The following BACH2 variants were observed in gnomAD, a reference collection of about 807,000 sequenced individuals.
The protein encoded by BACH2 is BACH transcriptional regulator 2.
BACH2 carries 5 observed loss-of-function variants against 61.8 expected under a neutral mutation model. The ratio of observed to expected loss-of-function variants is 0.08; its 90% CI spans 0.04 to 0.17. BACH2 has a LOEUF of 0.17. BACH2 is among the 10% of genes least tolerant of loss of function. The pLI, the probability that BACH2 is intolerant of heterozygous loss-of-function variation, is 1.00. For synonymous variants in BACH2, 446 were observed against 440.1 expected (o/e 1.01, Z -0.17); for missense variants, 824 against 1,091.1 (o/e 0.76, Z 3.45).
chr6:90,009,351 G>C (rs1241164265), intron 5 of BACH2, among the ~76,000 whole-genome samples: 2 of 152,350 alleles, frequency 1.3e-5, no homozygotes, highest in East Asian at 3.9e-4. Context: ...GAGATGCCAA[G>C]TAGAGTAAAC....
Position 90,267,416 on chromosome 6 carries a change from C to A in BACH2, c.-353+4433G>T, listed in dbSNP as rs1420236903. 2.6e-5 allele frequency among the ~76,000 whole-genome samples: 4 copies of A among 152,286 alleles called. No homozygotes were observed. In the East Asian group the frequency reaches 7.7e-4, roughly 29 times the overall value. ...AGAGAACACTTAAAAAGACTCCTAACACCTGGCAGGGGTGAGGCAAACAGG... is the reference window on the plus strand; with the variant it reads ...AGAGAACACTTAAAAAGACTCCTAAAACCTGGCAGGGGTGAGGCAAACAGG... On this transcript the variant is annotated intron_variant, in intron 2 of 8. Transcript: ENST00000257749.
At chr6:90,161,153 TG>T (rs1785179113) in intron 4 of BACH2, among the ~76,000 whole-genome samples, 1 of 149,190 alleles carries the variant, frequency 6.7e-6, no homozygotes, top group Non-Finnish European at 1.5e-5. Flanking sequence ...CCTTTTACAA[TG>T]GGACAGATCT....
intron 1 of BACH2, among the ~76,000 whole-genome samples, chr6:90,292,339 G>A (rs1241029274): frequency 1.3e-5 from 2 of 152,210 alleles, no homozygotes; most frequent in African/African-American, 2.4e-5. Context: ...TGCGGATTCA[G>A]TAAATCAAAA....
intron 6 of BACH2, among the ~76,000 whole-genome samples, chr6:89,999,779 G>A (rs1486357135): frequency 6.6e-6 from 1 of 152,088 alleles, no homozygotes; most frequent in African/African-American, 2.4e-5. Context: ...GAATAGATAC[G>A]CCGGTAACTA....
chr6:90,260,171 A>G (rs543635347), intron 2 of BACH2, among the ~76,000 whole-genome samples: 1 of 152,102 alleles, frequency 6.6e-6, no homozygotes, highest in East Asian at 1.9e-4. Context: ...TTCTTTTCTA[A>G]TGTAGGCATA....
chr6:90,014,440 G>GTGTGTGTGTA (rs1330299169), intron 5 of BACH2, among the ~76,000 whole-genome samples: 2 of 48,040 alleles, frequency 4.2e-5, no homozygotes, highest in African/African-American at 2.1e-4. Context: ...GTGTGTGTGT[G>GTGTGTGTGTA]TATATATATA....
At chr6:90,089,766 A>G (rs6907199) in intron 4 of BACH2, among the ~76,000 whole-genome samples, 66,040 of 151,620 alleles carry the variant, frequency 0.44, 17,513 homozygotes, top group East Asian at 0.82. Context: ...GGCCAGATAT[A>G]TTTCAGAATT....
At chr6:90,160,212 G>A (rs1052930250) in intron 4 of BACH2, among the ~76,000 whole-genome samples, 1 of 152,170 alleles carries the variant, frequency 6.6e-6, no homozygotes, top group Non-Finnish European at 1.5e-5. Context: ...CTCTGTGCAC[G>A]TGAGGCCTTA....
At chr6:90,174,374 C>T (rs1468286799) in intron 4 of BACH2, among the ~76,000 whole-genome samples, 3 of 151,896 alleles carry the variant, frequency 2.0e-5, no homozygotes, top group African/African-American at 7.2e-5. Flanking sequence ...ATGATTAAAA[C>T]AAAGAATAGA....
intron 1 of BACH2, among the ~76,000 whole-genome samples, chr6:90,274,970 A>G (rs1187102765): frequency 6.6e-6 from 1 of 152,230 alleles, no homozygotes; most frequent in African/African-American, 2.4e-5. Flanking sequence ...AAATGGAAAC[A>G]TGTCACTGGG....
At chr6:89,970,777 G>A (rs930195128) in intron 6 of BACH2, among the ~76,000 whole-genome samples, 5 of 152,164 alleles carry the variant, frequency 3.3e-5, no homozygotes, top group Non-Finnish European at 7.3e-5. Context: ...CACCTGGGTG[G>A]TGCGCAATTC....
intron 8 of BACH2, among the ~76,000 whole-genome samples, chr6:89,936,777 C>T (rs1268791943): frequency 1.3e-5 from 2 of 152,122 alleles, no homozygotes; most frequent in Non-Finnish European, 2.9e-5. Flanking sequence ...CATATAACAT[C>T]CTGTGCTTTT....
intron 3 of BACH2, among the ~76,000 whole-genome samples, chr6:90,218,506 CT>C (rs34080254): frequency 0.16 from 22,948 of 142,620 alleles, 2,238 homozygotes; most frequent in East Asian, 0.33. Flanking sequence ...TCTTTTCTTT[CT>C]TTTTTTTTTT....
At chr6:89,996,157 C>T (rs939128504) in intron 6 of BACH2, among the ~76,000 whole-genome samples, 6 of 152,230 alleles carry the variant, frequency 3.9e-5, no homozygotes, top group African/African-American at 4.8e-5. Flanking sequence ...TAAAGCACTA[C>T]GGATACGTAT....
intron 4 of BACH2, among the ~76,000 whole-genome samples, chr6:90,140,528 T>C (rs1211648857): frequency 6.6e-6 from 1 of 152,230 alleles, no homozygotes; most frequent in African/African-American, 2.4e-5. Flanking sequence ...AATGATTTAA[T>C]GTCATTCACA....
intron 4 of BACH2, among the ~76,000 whole-genome samples, chr6:90,131,318 T>C (rs1784070777): frequency 6.6e-6 from 1 of 152,254 alleles, no homozygotes; most frequent in Non-Finnish European, 1.5e-5. Flanking sequence ...GGCATCATTT[T>C]CTTGTTGGTG....
chr6:90,252,658 A>G (rs960835954), intron 2 of BACH2, 68 bp from the exon 3 acceptor site: 1 of 152,196 alleles, frequency 6.6e-6, no homozygotes, highest in African/African-American at 2.4e-5. Flanking sequence ...ATTTTTATCA[A>G]TGATTGAGAC....
chr6:90,295,028 CAG>C (rs1265500748), intron 1 of BACH2, among the ~76,000 whole-genome samples: 3 of 152,318 alleles, frequency 2.0e-5, no homozygotes, highest in East Asian at 1.9e-4. Context: ...ATGAAATTTA[CAG>C]AGAGTGAGAG....
intron 4 of BACH2, among the ~76,000 whole-genome samples, chr6:90,093,219 A>G (rs1170162925): frequency 6.6e-6 from 1 of 152,150 alleles, no homozygotes; most frequent in East Asian, 1.9e-4. Flanking sequence ...TCTTGCTAAC[A>G]GTTTTACTGT....
Sources: allele counts gnomAD v4.1 joint callset (sites outside exome capture counted in the v4.1 genomes callset), GRCh38; gene constraint gnomAD v4.1.1; transcripts MANE v1.5; gene names NCBI Gene and HGNC (gene_info 2026-07-23, HGNC 2026-07-21).